Variants in TUBGCP3 observed in about 807,000 individuals in gnomAD.
The protein encoded by TUBGCP3 is gamma-tubulin complex component 3.
A neutral mutation model predicts 123.1 loss-of-function variants in TUBGCP3; 50 were observed. The ratio of observed to expected loss-of-function variants is 0.41; its 90% CI spans 0.32 to 0.51. TUBGCP3 has a LOEUF of 0.51. Ranked by LOEUF, TUBGCP3 falls within the 20% of genes least tolerant of loss-of-function variation. TUBGCP3 has a pLI of 0.36. For missense variants in TUBGCP3, 882 were observed against 1,127.0 expected (o/e 0.78, Z 3.11); for synonymous variants, 405 against 413.9 (o/e 0.98, Z 0.26).
intron 1 of TUBGCP3, among the ~76,000 whole-genome samples, chr13:112,571,411 TAGG>T (rs1356274949): frequency 1.3e-5 from 2 of 152,236 alleles, no homozygotes; most frequent in African/African-American, 2.4e-5. Flanking sequence ...CAGACCTTAA[TAGG>T]AGGCTTAAAA....
intron 20 of TUBGCP3, among the ~76,000 whole-genome samples, chr13:112,492,740 T>C (rs1880190188): frequency 6.8e-6 from 1 of 147,230 alleles, no homozygotes; most frequent in South Asian, 2.2e-4. Context: ...CCTAAGACGC[T>C]CTAGCTATGG....
At chr13:112,495,992 C>A (rs1349604626) in intron 20 of TUBGCP3, among the ~76,000 whole-genome samples, 3 of 151,904 alleles carry the variant, frequency 2.0e-5, no homozygotes, top group South Asian at 2.1e-4. Flanking sequence ...TCAAAAAAAA[C>A]TGCAAAAAAA....
chr13:112,528,174 G>A (rs1877288552), intron 11 of TUBGCP3, among the ~76,000 whole-genome samples: 1 of 152,212 alleles, frequency 6.6e-6, no homozygotes, highest in African/African-American at 2.4e-5. Flanking sequence ...AAATTCAATT[G>A]CTGTTGCTTC....
intron 8 of TUBGCP3, among the ~76,000 whole-genome samples, chr13:112,552,426 G>GA (rs1879662503): frequency 6.6e-6 from 1 of 152,228 alleles, no homozygotes; most frequent in African/African-American, 2.4e-5. Context: ...CCTGCCTCGA[G>GA]AAAGAGCCAG....
intron 5 of TUBGCP3, 125 bp downstream of exon 5, chr13:112,558,071 G>T: frequency 9.3e-7 from 1 of 1,069,922 alleles, no homozygotes; most frequent in Non-Finnish European, 1.3e-6. Flanking sequence ...ACAGTGCCCA[G>T]AACACTGTCT....
intron 11 of TUBGCP3, among the ~76,000 whole-genome samples, chr13:112,538,704 TATAG>T (rs1317927379): frequency 6.6e-6 from 1 of 152,210 alleles, no homozygotes; most frequent in Admixed American, 6.5e-5. Flanking sequence ...CATTTTCTTA[TATAG>T]ATATACAATA....
chr13:112,497,269 C>CGTGA (rs1177622203), intron 20 of TUBGCP3, among the ~76,000 whole-genome samples: 1 of 152,170 alleles, frequency 6.6e-6, no homozygotes, highest in African/African-American at 2.4e-5. Flanking sequence ...TAGGTAGAAT[C>CGTGA]GTGAGTATAT....
At chr13:112,499,527 G>C (rs1469951188) in intron 19 of TUBGCP3, among the ~76,000 whole-genome samples, 3 of 151,846 alleles carry the variant, frequency 2.0e-5, no homozygotes, top group Non-Finnish European at 2.9e-5. Context: ...TTCAAAGCTA[G>C]ATAGCAGGTA....
the TUBGCP3 span, among the ~76,000 whole-genome samples, chr13:112,593,473 G>A: frequency 6.6e-6 from 1 of 151,934 alleles, no homozygotes; most frequent in African/African-American, 2.4e-5. Flanking sequence ...AGGAGTTTGA[G>A]ACCAGCCTAT....
chr13:112,496,168 T>C (rs578239798), intron 20 of TUBGCP3, among the ~76,000 whole-genome samples: 2 of 152,302 alleles, frequency 1.3e-5, no homozygotes, highest in Admixed American at 6.5e-5. Flanking sequence ...ACTGGAGATA[T>C]ATTGATAAAA....
intron 14 of TUBGCP3, 112 bp downstream of exon 14, chr13:112,522,208 T>A: frequency 2.0e-6 from 2 of 1,007,582 alleles, no homozygotes; most frequent in Non-Finnish European, 2.7e-6. Flanking sequence ...TTAAAAAGTA[T>A]GCTCGAAGAA....
intron 8 of TUBGCP3, among the ~76,000 whole-genome samples, chr13:112,551,181 T>G (rs1194339751): frequency 2.0e-5 from 3 of 151,814 alleles, no homozygotes; most frequent in Admixed American, 2.0e-4. Context: ...TATATACAGG[T>G]GTATGTGAGT....
At chr13:112,550,827 G>T (rs773233620) in intron 8 of TUBGCP3, among the ~76,000 whole-genome samples, 4 of 152,162 alleles carry the variant, frequency 2.6e-5, no homozygotes, top group Non-Finnish European at 4.4e-5. Context: ...GGCCAGGTGC[G>T]GTGGCTCACG....
chr13:112,529,987 G>A (rs560029455), intron 11 of TUBGCP3, among the ~76,000 whole-genome samples: 249 of 152,242 alleles, frequency 1.6e-3, no homozygotes, highest in Admixed American at 3.5e-3. Context: ...CCCTGAAAAC[G>A]GTATCTTCAG....
chr13:112,521,029 G>A (rs764382749), intron 14 of TUBGCP3, among the ~76,000 whole-genome samples: 3 of 152,198 alleles, frequency 2.0e-5, no homozygotes, highest in Admixed American at 2.0e-4. Context: ...GGCACAAGGC[G>A]AATGCGTTCA....
At chr13:112,601,324 C>T in the TUBGCP3 span, among the ~76,000 whole-genome samples, 1 of 152,046 alleles carries the variant, frequency 6.6e-6, no homozygotes, top group African/African-American at 2.4e-5. Context: ...TCATATGGCC[C>T]ATTTAATAAT....
chr13:112,548,232 T>C (rs1468388984), intron 8 of TUBGCP3, 56 bp from the exon 9 acceptor site: 3 of 1,404,590 alleles, frequency 2.1e-6, no homozygotes, highest in South Asian at 1.3e-5. Context: ...CATTGACTGA[T>C]TTTAAGTGGA....
At position 112,498,756 on chromosome 13, in the gene TUBGCP3, T is replaced by A. The variant is rs1000636160; in HGVS notation, c.2448+289A>T. ...AGGCAGCTGTGGAGATTCCGACGGG[T>A]GACATCGGCATTGTGGCACTCAGTA... On this transcript the variant is annotated intron_variant, in intron 20 of 21. Coordinates refer to ENST00000261965, the MANE Select transcript of TUBGCP3 (RefSeq NM_006322.6). 7.4e-5 allele frequency: 112 copies of A among 1,523,762 alleles called. 2 individuals are homozygous for A. The South Asian group carries it at 8.8e-4, about 12-fold the overall frequency. 94.4% of individuals were successfully genotyped at this position (1,523,762 alleles called of 1,614,324 possible). A position where few individuals can be genotyped will look rare whatever the true frequency, so the allele number is the denominator to read the frequency against.
At chr13:112,501,393 C>T (rs770094812) in intron 19 of TUBGCP3, among the ~76,000 whole-genome samples, 25 of 152,364 alleles carry the variant, frequency 1.6e-4, no homozygotes, top group Middle Eastern at 6.8e-3. Context: ...CAAGCTCAGG[C>T]TGCCAGGCAG....
Sources: allele counts gnomAD v4.1 joint callset (sites outside exome capture counted in the v4.1 genomes callset), GRCh38; gene constraint gnomAD v4.1.1; transcripts MANE v1.5; gene names NCBI Gene and HGNC (gene_info 2026-07-23, HGNC 2026-07-21).